The following KCNQ5 variants were observed in gnomAD, a reference collection of about 807,000 sequenced individuals.
The protein encoded by KCNQ5 is potassium voltage-gated channel subfamily Q member 5.
A neutral mutation model predicts 98.2 loss-of-function variants in KCNQ5; 30 were observed. That is an observed-to-expected ratio of 0.31 (90% confidence interval 0.23 to 0.41). The LOEUF (loss-of-function observed/expected upper bound fraction) is 0.41. KCNQ5 is among the 10% of genes least tolerant of loss of function. KCNQ5 has a pLI of 1.00. For missense variants in KCNQ5, 835 were observed against 1,182.5 expected (o/e 0.71, Z 4.31); for synonymous variants, 458 against 449.4 (o/e 1.02, Z -0.24).
chr6:72,913,325 T>C (rs191134386), intron 1 of KCNQ5, among the ~76,000 whole-genome samples: 1 of 152,126 alleles, frequency 6.6e-6, no homozygotes, highest in African/African-American at 2.4e-5. Context: ...AAATACATCT[T>C]CAAGGCCACT....
At chr6:72,805,389 C>T (rs964780550) in intron 1 of KCNQ5, among the ~76,000 whole-genome samples, 1 of 151,942 alleles carries the variant, frequency 6.6e-6, no homozygotes, top group African/African-American at 2.4e-5. Flanking sequence ...CATATGGAAG[C>T]TTCCCAGCAC....
At chr6:73,067,266 T>C (rs1460820266) in intron 3 of KCNQ5, among the ~76,000 whole-genome samples, 2 of 152,170 alleles carry the variant, frequency 1.3e-5, no homozygotes, top group Non-Finnish European at 2.9e-5. Context: ...GATTTTTGGC[T>C]CCATTTACCA....
chr6:73,046,737 G>T (rs1771982405), intron 3 of KCNQ5, among the ~76,000 whole-genome samples: 2 of 151,338 alleles, frequency 1.3e-5, no homozygotes, highest in South Asian at 4.2e-4. Flanking sequence ...CCGCCTCCTG[G>T]GTTCAAGCCA....
intron 1 of KCNQ5, among the ~76,000 whole-genome samples, chr6:72,824,320 A>G (rs1263396681): frequency 6.6e-6 from 1 of 152,116 alleles, no homozygotes; most frequent in African/African-American, 2.4e-5. Flanking sequence ...ATGAAGAAAA[A>G]AATTATTTTA....
intron 1 of KCNQ5, among the ~76,000 whole-genome samples, chr6:72,811,790 A>G (rs1188741017): frequency 6.6e-6 from 1 of 152,204 alleles, no homozygotes; most frequent in East Asian, 1.9e-4. Context: ...ACAAGAAAGA[A>G]TTTGGGATGA....
At chr6:72,634,122 G>A (rs558769563) in intron 1 of KCNQ5, among the ~76,000 whole-genome samples, 4 of 152,260 alleles carry the variant, frequency 2.6e-5, no homozygotes, top group South Asian at 4.1e-4. Flanking sequence ...TATCAGATGG[G>A]TAGAGTAATT....
chr6:73,099,650 C>T (rs1486189858), intron 5 of KCNQ5, among the ~76,000 whole-genome samples: 1 of 152,018 alleles, frequency 6.6e-6, no homozygotes, highest in African/African-American at 2.4e-5. Flanking sequence ...AATATATATG[C>T]ACCCAACACT....
chr6:72,684,754 TATGAA>T (rs369658683), intron 1 of KCNQ5, among the ~76,000 whole-genome samples: 75 of 152,336 alleles, frequency 4.9e-4, no homozygotes, highest in African/African-American at 1.6e-3. Context: ...CATATTAATT[TATGAA>T]ATAACAAAAT....
At chr6:72,747,086 GA>G (rs1052377981) in intron 1 of KCNQ5, among the ~76,000 whole-genome samples, 20 of 151,668 alleles carry the variant, frequency 1.3e-4, no homozygotes, top group African/African-American at 4.8e-4. Context: ...ATTTGGATAG[GA>G]AAAAAAATGT....
intron 1 of KCNQ5, among the ~76,000 whole-genome samples, chr6:72,645,053 G>T (rs1765515892): frequency 6.6e-6 from 1 of 151,712 alleles, no homozygotes; most frequent in African/African-American, 2.4e-5. Flanking sequence ...CTGGACTTTG[G>T]GTACCTTTTG....
At chr6:72,669,830 A>G (rs1243237999) in intron 1 of KCNQ5, among the ~76,000 whole-genome samples, 1 of 150,826 alleles carries the variant, frequency 6.6e-6, no homozygotes, top group East Asian at 1.9e-4. Flanking sequence ...AATTGCACCT[A>G]TGCTCTCTAT....
At chr6:72,942,830 C>A (rs1198889398) in intron 1 of KCNQ5, among the ~76,000 whole-genome samples, 1 of 152,120 alleles carries the variant, frequency 6.6e-6, no homozygotes, top group East Asian at 1.9e-4. Context: ...CTGGATAAGC[C>A]TATTTGGCTG....
At chr6:72,671,978 GGC>G (rs1767137380) in intron 1 of KCNQ5, among the ~76,000 whole-genome samples, 1 of 151,770 alleles carries the variant, frequency 6.6e-6, no homozygotes, top group Admixed American at 6.6e-5. Context: ...CACCACGCCT[GGC>G]TAATTTTTTG....
At chr6:72,640,303 A>C (rs2154471973) in intron 1 of KCNQ5, among the ~76,000 whole-genome samples, 1 of 152,188 alleles carries the variant, frequency 6.6e-6, no homozygotes, top group East Asian at 1.9e-4. Flanking sequence ...TAAGGAGACA[A>C]AGTGTTAAAG....
intron 1 of KCNQ5, among the ~76,000 whole-genome samples, chr6:72,633,910 A>T (rs775799356): frequency 1.3e-5 from 2 of 152,224 alleles, no homozygotes; most frequent in Non-Finnish European, 2.9e-5. Context: ...ATTTAAATAT[A>T]AGACCTCAAA....
chr6:72,733,572 G>T (rs1770664381), intron 1 of KCNQ5, among the ~76,000 whole-genome samples: 1 of 152,190 alleles, frequency 6.6e-6, no homozygotes, highest in African/African-American at 2.4e-5. Flanking sequence ...GCCATACAAA[G>T]GTGAGAGACA....
At chr6:72,962,140 T>A (rs1767385901) in intron 1 of KCNQ5, among the ~76,000 whole-genome samples, 1 of 150,020 alleles carries the variant, frequency 6.7e-6, no homozygotes, top group South Asian at 2.1e-4. Context: ...ATCATGCCAC[T>A]GCACTCTAAC....
intron 1 of KCNQ5, among the ~76,000 whole-genome samples, chr6:72,673,196 C>T (rs1767227894): frequency 6.6e-6 from 1 of 152,128 alleles, no homozygotes; most frequent in South Asian, 2.1e-4. Flanking sequence ...TCAGGGCTCC[C>T]ACCCCTTCAG....
intron 1 of KCNQ5, among the ~76,000 whole-genome samples, chr6:72,907,537 A>G (rs970050615): frequency 5.9e-5 from 9 of 152,142 alleles, no homozygotes; most frequent in Non-Finnish European, 1.2e-4. Context: ...TTTCTCTACT[A>G]TGAAAATTGT....
Sources: gnomAD v4.1 joint callset for allele counts (sites outside exome capture counted in the v4.1 genomes callset) on GRCh38, gnomAD v4.1.1 for gene constraint, MANE v1.5 for transcripts, NCBI Gene and HGNC (gene_info 2026-07-23, HGNC 2026-07-21) for gene names.